Variants in RBFOX2 observed in about 807,000 individuals in gnomAD.
RBFOX2 encodes RNA binding protein fox-1 homolog 2.
In RBFOX2, 10 loss-of-function variants were observed where a neutral mutation model predicts 49.1. That is an observed-to-expected ratio of 0.20 (90% CI 0.13 to 0.35). RBFOX2 has a LOEUF of 0.35. Among genes scored for constraint, RBFOX2 ranks in the 10% least tolerant of loss-of-function variants. The probability of loss-of-function intolerance (pLI) is 1.00; values close to 1 mark genes in which losing one functional copy is unlikely to be tolerated. For synonymous variants in RBFOX2, 183 were observed against 187.4 expected, an observed-to-expected ratio of 0.98 and a Z score of 0.19; for missense variants, 323 against 486.9, an observed-to-expected ratio of 0.66 and a Z score of 3.17.
intron 1 of RBFOX2, among the ~76,000 whole-genome samples, chr22:36,025,538 TA>T (rs2059399415): frequency 6.6e-6 from 1 of 152,222 alleles, no homozygotes; most frequent in South Asian, 2.1e-4. Context: ...CTCTTAGGGT[TA>T]AAACAGTGCC....
At chr22:35,751,849 CG>C (rs1935053205) in intron 9 of RBFOX2, among the ~76,000 whole-genome samples, 1 of 152,142 alleles carries the variant, frequency 6.6e-6, no homozygotes, top group African/African-American at 2.4e-5. Context: ...AGATGAGAGA[CG>C]ATTTTCAATA....
At chr22:35,928,198 T>A (rs1035220511) in intron 1 of RBFOX2, among the ~76,000 whole-genome samples, 13 of 152,110 alleles carry the variant, frequency 8.5e-5, no homozygotes, top group Non-Finnish European at 1.8e-4. Flanking sequence ...GATTGATATT[T>A]AAACCTAAAG....
rs533809733 is a variant in RBFOX2 at position 36,026,241 on chromosome 22, C to T, written c.186+1999G>A. On this transcript the variant is annotated intron_variant, in intron 1 of 13. Transcript: ENST00000438146. ...GCAGTGAGCCGAGATCGTGCCATTGCACTCCAGCCTGGGCAAAAAAAAAAA... is the reference window on the plus strand; with the variant it reads ...GCAGTGAGCCGAGATCGTGCCATTGTACTCCAGCCTGGGCAAAAAAAAAAA... Among the ~76,000 whole-genome samples the T allele has an allele frequency of 1.0e-4, 15 of 147,076 alleles. No homozygotes were observed. The South Asian group carries it at 3.2e-3, about 32-fold the overall frequency.
chr22:35,742,107 A>G (rs950521472), exon 12 of RBFOX2: 1 of 152,248 alleles, frequency 6.6e-6, no homozygotes, highest in Admixed American at 6.5e-5. Flanking sequence ...AAATATTTAT[A>G]TACATACAAC....
chr22:35,761,604 G>A, intron 6 of RBFOX2, 136 bp from the exon 8 acceptor site: 3 of 837,944 alleles, frequency 3.6e-6, no homozygotes, highest in Non-Finnish European at 5.9e-6. Flanking sequence ...TTCCAGCTTG[G>A]GGTTTATATG....
chr22:35,767,260 C>T (rs891330707), intron 5 of RBFOX2, among the ~76,000 whole-genome samples: 1 of 152,180 alleles, frequency 6.6e-6, no homozygotes, highest in African/African-American at 2.4e-5. Flanking sequence ...AGTCAAATCA[C>T]ATTTTGTAGT....
chr22:35,804,339 T>A (rs975648785), intron 2 of RBFOX2, among the ~76,000 whole-genome samples: 33 of 151,628 alleles, frequency 2.2e-4, no homozygotes, highest in Non-Finnish European at 1.0e-4. Context: ...GAAAAAAAAA[T>A]TTGAAGAAAT....
At chr22:35,969,998 T>C (rs1258802343) in intron 1 of RBFOX2, among the ~76,000 whole-genome samples, 1 of 152,224 alleles carries the variant, frequency 6.6e-6, no homozygotes, top group Non-Finnish European at 1.5e-5. Flanking sequence ...GTCTGGTACC[T>C]GGCAAATAAG....
intron 8 of RBFOX2, 142 bp from the exon 10 acceptor site, chr22:35,760,162 TA>T: frequency 9.4e-7 from 1 of 1,058,904 alleles, no homozygotes. Context: ...ATGCATTCAA[TA>T]AACGTTCTAC....
At chr22:35,916,443 G>A (rs1037422936) in intron 1 of RBFOX2, among the ~76,000 whole-genome samples, 6 of 152,188 alleles carry the variant, frequency 3.9e-5, no homozygotes, top group African/African-American at 9.6e-5. Context: ...CACCAAACCC[G>A]GCTAATATTT....
In RBFOX2 at chr22:35,830,140, A is replaced by G. The variant is rs16996136; in HGVS notation, c.27+10052T>C. ...ATTCAACATTTCAAAAGAGGACACTATCAATGAATTAGCAAGTTAAAAATC... is the reference window on the plus strand; with the variant it reads ...ATTCAACATTTCAAAAGAGGACACTGTCAATGAATTAGCAAGTTAAAAATC... On this transcript the variant is annotated intron_variant, in intron 1 of 11. Coordinates refer to ENST00000405409, the Ensembl canonical transcript of RBFOX2. Among the ~76,000 whole-genome samples the G allele has an allele frequency of 8.1e-4, 124 of 152,380 alleles. 1 individual carries two copies. Among genetic ancestry groups the G allele is most frequent in the African/African-American group, 2.9e-3 (121 of 41,586 alleles).
intron 4 of RBFOX2, among the ~76,000 whole-genome samples, chr22:35,772,339 G>A (rs1456385166): frequency 1.3e-5 from 2 of 152,042 alleles, no homozygotes; most frequent in Non-Finnish European, 2.9e-5. Context: ...TTAAAAAGTA[G>A]AAACAGGTGA....
chr22:35,768,963 G>T (rs892208792), intron 4 of RBFOX2, among the ~76,000 whole-genome samples: 1 of 152,086 alleles, frequency 6.6e-6, no homozygotes, highest in African/African-American at 2.4e-5. Context: ...CTATGTACTG[G>T]GTGTGGGAGA....
chr22:35,985,902 G>GGATGGATAGATAGATAGATA (rs1284932502), intron 1 of RBFOX2, among the ~76,000 whole-genome samples: 2 of 144,074 alleles, frequency 1.4e-5, no homozygotes, highest in East Asian at 4.2e-4. Context: ...ATAGATAGAT[G>GGATGGATAGATAGATAGATA]GATAGATAGA....
intron 1 of RBFOX2, among the ~76,000 whole-genome samples, chr22:35,899,610 TAGG>T (rs910066345): frequency 2.0e-5 from 3 of 148,586 alleles, no homozygotes; most frequent in Non-Finnish European, 4.5e-5. Flanking sequence ...AACAAAGTGG[TAGG>T]AGAAGAAAAA....
chr22:35,899,641 CAAAGTCAAATAAGGAAAG>C (rs1387007837), intron 1 of RBFOX2, among the ~76,000 whole-genome samples: 2 of 150,564 alleles, frequency 1.3e-5, no homozygotes, highest in Non-Finnish European at 3.0e-5. Flanking sequence ...TTCCAATTAT[CAAAGTCAAATAAGGAAAG>C]CTATGCTTTA....
intron 1 of RBFOX2, among the ~76,000 whole-genome samples, chr22:35,845,664 T>C (rs962147950): frequency 6.6e-6 from 1 of 152,210 alleles, no homozygotes; most frequent in Non-Finnish European, 1.5e-5. Context: ...TGAAATTATG[T>C]GTACATTGTA....
At chr22:35,890,890 G>A (rs1569462157) in intron 1 of RBFOX2, among the ~76,000 whole-genome samples, 1 of 151,950 alleles carries the variant, frequency 6.6e-6, no homozygotes, top group South Asian at 2.1e-4. Flanking sequence ...ATGAGATTGC[G>A]TTTCCAGGTC....
At chr22:35,964,341 T>C (rs1326844853), upstream of RBFOX2, among the ~76,000 whole-genome samples, 1 of 152,216 alleles carries the variant, frequency 6.6e-6, no homozygotes, top group Non-Finnish European at 1.5e-5. Context: ...TTACTAACAG[T>C]ATTAAACTCT....
Sources: gnomAD v4.1 joint callset for allele counts (sites outside exome capture counted in the v4.1 genomes callset) on GRCh38, gnomAD v4.1.1 for gene constraint, MANE v1.5 for transcripts, NCBI Gene and HGNC (gene_info 2026-07-23, HGNC 2026-07-21) for gene names.